The following NFU1 variants were observed in gnomAD, a reference collection of about 807,000 sequenced individuals.
NFU1 encodes NFU1 iron-sulfur cluster scaffold homolog, mitochondrial.
A neutral mutation model predicts 32.2 loss-of-function variants in NFU1; 30 were observed. That is an observed-to-expected ratio of 0.93 (90% CI 0.70 to 1.26). The LOEUF (loss-of-function observed/expected upper bound fraction) is 1.26, where lower values mean the gene tolerates loss of function less well. Ranked by LOEUF, NFU1 falls within the 50% of genes most tolerant of loss-of-function variation. The probability of loss-of-function intolerance (pLI) is 0.00; values close to 1 mark genes in which losing one functional copy is unlikely to be tolerated. For synonymous variants in NFU1, 112 were observed against 104.6 expected, an observed-to-expected ratio of 1.07 and a Z score of -0.43; for missense variants, 306 against 306.6, an observed-to-expected ratio of 1.00 and a Z score of 0.02.
At chr2:69,437,483 G>T, upstream of NFU1, 1 of 1,576,366 alleles carries the variant, frequency 6.3e-7, no homozygotes. Context: ...CGCAGCCGCA[G>T]GCTGGCCGGT....
intron 5 of NFU1, among the ~76,000 whole-genome samples, chr2:69,408,734 T>A (rs868258500): frequency 3.7e-5 from 5 of 136,426 alleles, no homozygotes; most frequent in East Asian, 2.1e-4. Flanking sequence ...ATATAAAATT[T>A]TATATATATA....
chr2:69,419,443 G>C, intron 4 of NFU1, 95 bp downstream of exon 4: 1 of 692,560 alleles, frequency 1.4e-6, no homozygotes, highest in Non-Finnish European at 2.6e-6. Context: ...AAAAATTAAA[G>C]AACAGAAAGA....
upstream of NFU1, among the ~76,000 whole-genome samples, chr2:69,439,148 T>TC (rs1335673453): frequency 2.0e-5 from 3 of 152,078 alleles, no homozygotes; most frequent in Non-Finnish European, 1.5e-5. Context: ...ACTCTTAGTC[T>TC]CTAGTTTTTC....
At chr2:69,399,361 G>A in intron 7 of NFU1, 1 of 455,780 alleles carries the variant, frequency 2.2e-6, no homozygotes, top group South Asian at 1.6e-5. Context: ...TATTACTGAT[G>A]ACAAGGTGCT....
intron 5 of NFU1, among the ~76,000 whole-genome samples, chr2:69,414,485 G>T (rs1238047583): frequency 1.3e-5 from 2 of 151,846 alleles, no homozygotes; most frequent in Non-Finnish European, 2.9e-5. Context: ...GGGTGTGGTG[G>T]TGCACACCTG....
upstream of NFU1, among the ~76,000 whole-genome samples, chr2:69,439,558 G>T (rs558935172): frequency 6.6e-6 from 1 of 152,196 alleles, no homozygotes; most frequent in Non-Finnish European, 1.5e-5. Flanking sequence ...GGGGACCCAA[G>T]CAGGTTGCCA....
intron 1 of NFU1, among the ~76,000 whole-genome samples, chr2:69,437,072 C>T (rs1488337443): frequency 1.3e-5 from 2 of 152,244 alleles, no homozygotes; most frequent in African/African-American, 2.4e-5. Flanking sequence ...CTCCTCCGTT[C>T]TGGCTCTACA....
chr2:69,409,506 A>C (rs2104757886), intron 5 of NFU1, among the ~76,000 whole-genome samples: 1 of 152,332 alleles, frequency 6.6e-6, no homozygotes, highest in South Asian at 2.1e-4. Context: ...TGCATGTCAT[A>C]GTCTATTTAG....
chr2:69,419,095 C>T (rs1673153710), intron 4 of NFU1, among the ~76,000 whole-genome samples: 1 of 151,948 alleles, frequency 6.6e-6, no homozygotes, highest in African/African-American at 2.4e-5. Flanking sequence ...GGGTGGATCA[C>T]CTGAGGTCGG....
chr2:69,423,243 AGTGTGTGTGTGTGTGTGTGTGTGTGTGT>A (rs772105664), intron 3 of NFU1, among the ~76,000 whole-genome samples: 1 of 87,992 alleles, frequency 1.1e-5, no homozygotes, highest in Non-Finnish European at 2.1e-5. Context: ...TCTCTGTGTG[AGTGTGTGTGTGTGTGTGTGTGTGTGTGT>A]GTGTGTGTGT....
intron 5 of NFU1, 132 bp from the exon 6 acceptor site, chr2:69,406,214 G>C: frequency 4.8e-6 from 3 of 618,796 alleles, no homozygotes; most frequent in East Asian, 5.6e-5. Context: ...CATGTAACTT[G>C]GTATGGAGAT....
intron 2 of NFU1, among the ~76,000 whole-genome samples, chr2:69,426,694 G>A (rs963550730): frequency 5.3e-5 from 8 of 152,148 alleles, no homozygotes; most frequent in African/African-American, 1.9e-4. Flanking sequence ...TTGCTATTAT[G>A]ACAACAGCTT....
At chr2:69,398,467 C>CT (rs1311084716) in intron 7 of NFU1, among the ~76,000 whole-genome samples, 1 of 152,170 alleles carries the variant, frequency 6.6e-6, no homozygotes, top group Non-Finnish European at 1.5e-5. Flanking sequence ...AGGAATGCCT[C>CT]TAAGTTTTCT....
At chr2:69,411,654 G>A (rs1178073851) in intron 5 of NFU1, among the ~76,000 whole-genome samples, 1 of 151,964 alleles carries the variant, frequency 6.6e-6, no homozygotes, top group African/African-American at 2.4e-5. Flanking sequence ...GTGTGGTGGC[G>A]TGAACATGGC....
intron 2 of NFU1, among the ~76,000 whole-genome samples, chr2:69,425,735 C>T (rs1673434306): frequency 6.6e-6 from 1 of 151,988 alleles, no homozygotes; most frequent in African/African-American, 2.4e-5. Context: ...ATCCACCTAC[C>T]TCAGCCTCCC....
chr2:69,407,817 A>G (rs963910675), intron 5 of NFU1, among the ~76,000 whole-genome samples: 7 of 152,036 alleles, frequency 4.6e-5, no homozygotes, highest in Admixed American at 4.6e-4. Flanking sequence ...GTTTGAGACC[A>G]GCCTGGCCAA....
chr2:69,438,576 C>G (rs73934937), upstream of NFU1, among the ~76,000 whole-genome samples: 3,358 of 152,194 alleles, frequency 0.022, 143 homozygotes, highest in African/African-American at 0.076. Context: ...TTTTAACAAA[C>G]CCTTCCCAGG....
intron 1 of NFU1, among the ~76,000 whole-genome samples, chr2:69,433,150 CA>C (rs762607918): frequency 0.014 from 1,403 of 98,360 alleles, 19 homozygotes; most frequent in African/African-American, 0.048. Context: ...ACTCCATCTC[CA>C]AAAAAAAAAA....
intron 5 of NFU1, among the ~76,000 whole-genome samples, chr2:69,406,449 G>C (rs969276420): frequency 1.3e-5 from 2 of 152,110 alleles, no homozygotes; most frequent in Admixed American, 1.3e-4. Flanking sequence ...TGGAAACTTT[G>C]AGACAAAAAG....
Sources: allele counts gnomAD v4.1 joint callset (sites outside exome capture counted in the v4.1 genomes callset), GRCh38; gene constraint gnomAD v4.1.1; transcripts MANE v1.5; gene names NCBI Gene and HGNC (gene_info 2026-07-23, HGNC 2026-07-21).